The following GRID2 variants were observed in gnomAD, a reference collection of about 807,000 sequenced individuals.
GRID2 encodes glutamate receptor ionotropic, delta-2.
In GRID2, 33 loss-of-function variants were observed where a neutral mutation model predicts 114.8. The ratio of observed to expected loss-of-function variants is 0.29; its 90% confidence interval spans 0.22 to 0.38. GRID2 has a LOEUF of 0.38. GRID2 is among the 10% of genes least tolerant of loss of function. GRID2 has a pLI of 1.00. For missense variants in GRID2, 1,184 were observed against 1,257.7 expected (o/e 0.94, Z 0.89); for synonymous variants, 505 against 449.9 (o/e 1.12, Z -1.55).
intron 1 of GRID2, among the ~76,000 whole-genome samples, chr4:92,417,400 G>T (rs977813431): frequency 4.6e-5 from 7 of 152,030 alleles, no homozygotes; most frequent in African/African-American, 1.7e-4. Flanking sequence ...TTAATTCTCA[G>T]TGCAACAGTG....
chr4:93,515,036 A>T (rs1729571751), intron 12 of GRID2, among the ~76,000 whole-genome samples, 180 bp from the exon 13 acceptor site: 1 of 152,188 alleles, frequency 6.6e-6, no homozygotes, highest in East Asian at 1.9e-4. Flanking sequence ...TAAATGCCAT[A>T]TACCCTAACA....
chr4:92,890,395 A>G (rs1415880030), intron 2 of GRID2, among the ~76,000 whole-genome samples: 1 of 152,254 alleles, frequency 6.6e-6, no homozygotes, highest in Non-Finnish European at 1.5e-5. Context: ...TCCAGAATCT[A>G]CAAGGAACTT....
In GRID2 at chr4:92,695,844, C is replaced by T. The variant is rs59496349; in HGVS notation, c.244+105558C>T. On this transcript the variant is annotated intron_variant, in intron 2 of 15. Coordinates refer to ENST00000282020, the MANE Select transcript of GRID2 (RefSeq NM_001510.4). ...AAATAGTTCGTGAATTAAAAAAATACGAATCAAAAAAATCTGAAATCATAC... is the reference window on the plus strand; with the variant it reads ...AAATAGTTCGTGAATTAAAAAAATATGAATCAAAAAAATCTGAAATCATAC... Among the ~76,000 whole-genome samples, 114 of 152,062 alleles carry T rather than the reference C, an allele frequency of 7.5e-4. 1 individual carries two copies. The East Asian group carries it at 0.02, about 27-fold the overall frequency.
chr4:92,853,982 A>G (rs1196485243), intron 2 of GRID2, among the ~76,000 whole-genome samples: 1 of 151,514 alleles, frequency 6.6e-6, no homozygotes, highest in Non-Finnish European at 1.5e-5. Context: ...GTACCCCCAT[A>G]TCTAAAATCA....
At chr4:92,827,838 T>C (rs1033439992) in intron 2 of GRID2, among the ~76,000 whole-genome samples, 11 of 152,130 alleles carry the variant, frequency 7.2e-5, no homozygotes, top group African/African-American at 2.7e-4. Context: ...GAGCTTGTTA[T>C]ATTGCTGACA....
At chr4:93,407,063 C>T (rs1443485238) in intron 9 of GRID2, among the ~76,000 whole-genome samples, 1 of 152,112 alleles carries the variant, frequency 6.6e-6, no homozygotes, top group Non-Finnish European at 1.5e-5. Context: ...TCCTGTCCCT[C>T]CCAAAATGCT....
At chr4:93,292,200 A>G (rs1753826617) in intron 8 of GRID2, among the ~76,000 whole-genome samples, 1 of 152,168 alleles carries the variant, frequency 6.6e-6, no homozygotes, top group Non-Finnish European at 1.5e-5. Context: ...AAAAATTTGT[A>G]GAGGAATAGC....
chr4:92,891,553 G>A (rs750227343), intron 2 of GRID2, among the ~76,000 whole-genome samples: 2 of 152,278 alleles, frequency 1.3e-5, no homozygotes, highest in South Asian at 2.1e-4. Flanking sequence ...GTCACCTAGA[G>A]CTGAGCAGCA....
chr4:93,533,247 TTCCTTCCTTCCTTCCTTCC>T (rs1731642406), intron 13 of GRID2, among the ~76,000 whole-genome samples: 1 of 2,738 alleles, frequency 3.7e-4, no homozygotes, highest in Non-Finnish European at 7.8e-4. Flanking sequence ...TCTTTCTCTC[TTCCTTCCTTCCTTCCTTCC>T]TTCCTTCCTT....
chr4:93,472,513 G>T (rs971769497), intron 11 of GRID2, among the ~76,000 whole-genome samples: 10 of 152,084 alleles, frequency 6.6e-5, no homozygotes, highest in African/African-American at 2.4e-4. Context: ...CAATGTGGTG[G>T]ATATTCTCCG....
At chr4:93,045,974 T>TC (rs1247975091) in intron 2 of GRID2, among the ~76,000 whole-genome samples, 1 of 152,000 alleles carries the variant, frequency 6.6e-6, no homozygotes, top group Non-Finnish European at 1.5e-5. Context: ...GTGGGATTAA[T>TC]CCCCCAAAGT....
chr4:93,126,182 G>A lies in GRID2; in HGVS notation c.735+15229G>A, dbSNP rs541813470. On this transcript the variant is annotated intron_variant, in intron 4 of 15. Transcript: ENST00000282020. Reference sequence around the variant, plus strand: ...AATTTCACTCACTATTATTTAATTAGCATTAGTATATTATAGTTAGACTAC... The same window carrying A: ...AATTTCACTCACTATTATTTAATTAACATTAGTATATTATAGTTAGACTAC... 3.3e-5 allele frequency among the ~76,000 whole-genome samples: 5 copies of A among 151,986 alleles called. No individual in the cohort carries two copies. The East Asian group carries it at 7.7e-4, about 23-fold the overall frequency.
chr4:93,723,508 C>A (rs1578661268), intron 14 of GRID2, among the ~76,000 whole-genome samples: 1 of 152,208 alleles, frequency 6.6e-6, no homozygotes, highest in East Asian at 1.9e-4. Flanking sequence ...TTGGACTGAC[C>A]ATAGTGACCA....
intron 13 of GRID2, among the ~76,000 whole-genome samples, chr4:93,606,587 G>C (rs1318026097): frequency 1.3e-5 from 2 of 152,116 alleles, no homozygotes; most frequent in Non-Finnish European, 2.9e-5. Flanking sequence ...ACAGTGGTTG[G>C]GAAAGGGAAA....
intron 1 of GRID2, among the ~76,000 whole-genome samples, chr4:92,374,847 A>G (rs1023346644): frequency 7.9e-5 from 12 of 152,086 alleles, no homozygotes; most frequent in African/African-American, 2.9e-4. Flanking sequence ...AAGGTTAAAT[A>G]TAAAGTAGAA....
At chr4:93,669,323 A>G (rs1168341810) in intron 14 of GRID2, among the ~76,000 whole-genome samples, 1 of 152,074 alleles carries the variant, frequency 6.6e-6, no homozygotes, top group Non-Finnish European at 1.5e-5. Flanking sequence ...TAATCAACCT[A>G]CAAGAAATTT....
chr4:93,021,249 T>C (rs1382625787), intron 2 of GRID2, among the ~76,000 whole-genome samples: 1 of 151,640 alleles, frequency 6.6e-6, no homozygotes, highest in Non-Finnish European at 1.5e-5. Context: ...ATATACTCTT[T>C]GTAAGCATTC....
At chr4:92,486,198 C>G (rs1722880348) in intron 1 of GRID2, among the ~76,000 whole-genome samples, 1 of 150,092 alleles carries the variant, frequency 6.7e-6, no homozygotes, top group Non-Finnish European at 1.5e-5. Context: ...TATTTTTAAC[C>G]ACTTAAAAAC....
At chr4:92,471,047 A>ATCC (rs1722008410) in intron 1 of GRID2, among the ~76,000 whole-genome samples, 1 of 152,042 alleles carries the variant, frequency 6.6e-6, no homozygotes, top group Admixed American at 6.6e-5. Context: ...GGTAAATATA[A>ATCC]TGGTGAGGTC....
Sources: gnomAD v4.1 joint callset for allele counts (sites outside exome capture counted in the v4.1 genomes callset) on GRCh38, gnomAD v4.1.1 for gene constraint, MANE v1.5 for transcripts, NCBI Gene and HGNC (gene_info 2026-07-23, HGNC 2026-07-21) for gene names.